KCNQ1: variants seen among roughly 807,000 people sequenced by gnomAD.
KCNQ1 encodes potassium voltage-gated channel subfamily Q member 1, also known as potassium voltage-gated channel subfamily KQT member 1.
In KCNQ1, 49 loss-of-function variants were observed where a neutral mutation model predicts 72.4. The observed-to-expected ratio is 0.68, with a 90% CI of 0.54 to 0.86. The LOEUF (loss-of-function observed/expected upper bound fraction) is 0.86. Ranked by LOEUF, KCNQ1 falls within the 40% of genes least tolerant of loss-of-function variation. The probability of loss-of-function intolerance (pLI) is 0.00; values close to 1 mark genes in which losing one functional copy is unlikely to be tolerated. For synonymous variants in KCNQ1, 450 were observed against 412.6 expected (o/e 1.09, Z -1.10); for missense variants, 790 against 945.1 (o/e 0.84, Z 2.15).
chr11:2,540,404 G>A (rs934852245), intron 2 of KCNQ1, among the ~76,000 whole-genome samples: 1 of 152,238 alleles, frequency 6.6e-6, no homozygotes, highest in African/African-American at 2.4e-5. Flanking sequence ...GCCACGGCTC[G>A]AGCACCTCGG....
In KCNQ1 at chr11:2,610,102, GCTTT is replaced by G. The variant is rs376444448; in HGVS notation, c.1393+21253_1393+21256del. On this transcript the variant is annotated intron_variant, in intron 10 of 15. Coordinates refer to ENST00000155840, the MANE Select transcript of KCNQ1 (RefSeq NM_000218.3). ...CTTGTTCCTCTATTTCTCCTTTGCT[GCTTT>G]CTTTTCCATCTAGTGACTACTTTCT... is the stretch of plus-strand genomic sequence containing the variant. The G allele has an allele frequency of 1.8e-3, 698 of 397,610 alleles. 8 individuals carry two copies. The East Asian group carries it at 0.023, about 13-fold the overall frequency. 24.6% of individuals were successfully genotyped at this position (397,610 alleles called of 1,614,324 possible). A position where few individuals can be genotyped will look rare whatever the true frequency, so the allele number is the denominator to read the frequency against.
chr11:2,665,065 C>G (rs1009171050), intron 11 of KCNQ1: 12 of 398,344 alleles, frequency 3.0e-5, no homozygotes, highest in African/African-American at 2.5e-4. Context: ...GGAGTCATGA[C>G]AAGCTGAGGC....
Position 2,733,859 on chromosome 11 carries a change from C to CTCTTTCTCTCT in KCNQ1, c.1515-34985_1515-34984insTCTTTCTCTCT, listed in dbSNP as rs1845907356. Among the ~76,000 whole-genome samples the CTCTTTCTCTCT allele has an allele frequency of 1.7e-5, 2 of 119,346 alleles. 1 individual carries two copies. Among genetic ancestry groups the CTCTTTCTCTCT allele is most frequent in the Admixed American group, 1.6e-4 (2 of 12,788 alleles). 78.3% of individuals were successfully genotyped at this position (119,346 alleles called of 152,430 possible). A position where few individuals can be genotyped will look rare whatever the true frequency, so the allele number is the denominator to read the frequency against. On this transcript the variant is annotated intron_variant, in intron 11 of 15. Transcript: ENST00000155840. ...TCTCTCTCTCTCTCTCTCTCTCTCCCCCCCCACTTCAGGGCCTTCGCGCCC... is the reference window on the plus strand; with the variant it reads ...TCTCTCTCTCTCTCTCTCTCTCTCCCTCTTTCTCTCTCCCCCACTTCAGGGCCTTCGCGCCC...
At chr11:2,662,341 A>C in intron 11 of KCNQ1, 1 of 568,232 alleles carries the variant, frequency 1.8e-6, no homozygotes, top group Non-Finnish European at 3.1e-6. Context: ...ACTTGTTTTC[A>C]TGCTTTGAGA....
Position 2,678,629 on chromosome 11 carries a change from A to G in KCNQ1, c.1514+16548A>G, listed in dbSNP as rs1163482596. 1 of 397,244 alleles carries G rather than the reference A, an allele frequency of 2.5e-6. No individual in the cohort carries two copies. The highest frequency in any genetic ancestry group is 4.4e-6 in the Non-Finnish European group (1 of 225,922). 24.6% of individuals were successfully genotyped at this position (397,244 alleles called of 1,614,324 possible). ...CCCTCATCTCCATTACTTAAGAGCC[A>G]ATAATGGGAAGCTCATTTTCACAAA... On this transcript the variant is annotated intron_variant, in intron 11 of 15. Transcript: ENST00000155840. This position sits in a 1 kb window ranked among gnomAD's most constrained non-coding sequence, Gnocchi z 4.9.
chr11:2,553,528 A>G (rs1848021100), intron 2 of KCNQ1, among the ~76,000 whole-genome samples: 1 of 152,164 alleles, frequency 6.6e-6, no homozygotes, highest in South Asian at 2.1e-4. Context: ...TGAGATAATC[A>G]TATCATTTGC....
chr11:2,642,018 T>C lies in KCNQ1; in HGVS notation c.1394-19943T>C, dbSNP rs938435224. 5.3e-5 allele frequency: 21 copies of C among 398,292 alleles called. No individual in the cohort carries two copies. The highest frequency in any genetic ancestry group is 8.9e-5 in the Non-Finnish European group (20 of 225,922). 24.7% of individuals were successfully genotyped at this position (398,292 alleles called of 1,614,324 possible). Reference sequence around the variant, plus strand: ...TTTTATTCCAATACCATGCTGCTTTTAATGCTATAGCCTTATATTTTTAAA... The same window carrying C: ...TTTTATTCCAATACCATGCTGCTTTCAATGCTATAGCCTTATATTTTTAAA... On this transcript the variant is annotated intron_variant, in intron 10 of 15. Coordinates refer to ENST00000155840, the MANE Select transcript of KCNQ1 (RefSeq NM_000218.3). This position sits in a 1 kb window ranked among gnomAD's most constrained non-coding sequence, Gnocchi z 4.3.
At chr11:2,513,953 G>C (rs1351073526) in intron 1 of KCNQ1, among the ~76,000 whole-genome samples, 1 of 152,244 alleles carries the variant, frequency 6.6e-6, no homozygotes, top group Non-Finnish European at 1.5e-5. Flanking sequence ...CATGGGGCCT[G>C]TCCCATGCTG....
At chr11:2,646,747 C>T (rs1245573105) in intron 10 of KCNQ1, 7 of 398,468 alleles carry the variant, frequency 1.8e-5, no homozygotes, top group Non-Finnish European at 2.7e-5. Context: ...AACTCCTGGG[C>T]TCAAGCAATC....
rs528296896 is a variant in KCNQ1, at chr11:2,766,415, C to T, written c.1515-2429C>T. On this transcript the variant is annotated intron_variant, in intron 11 of 15. Coordinates refer to ENST00000155840, the MANE Select transcript of KCNQ1 (RefSeq NM_000218.3). This position sits in a 1 kb window ranked among gnomAD's most constrained non-coding sequence, Gnocchi z 4.4. ...CAGGGTCTCTCAGCTCTCCTTCACG[C>T]GGCTGTTCCAGCAGGCTAGCTCAGA... is the stretch of plus-strand genomic sequence containing the variant. Among the ~76,000 whole-genome samples, 26 of 152,286 alleles carry T rather than the reference C, an allele frequency of 1.7e-4. No homozygotes were observed. The highest frequency in any genetic ancestry group is 1.4e-3 in the South Asian group (7 of 4,828).
Position 2,652,934 on chromosome 11 carries a change from C to A in KCNQ1, c.1394-9027C>A. ...TAAACTTAGGTTTTGGAAAGCCCAG[C>A]ATCCTCCCTGGGACTTCTCAGGATT... is the stretch of plus-strand genomic sequence containing the variant. On this transcript the variant is annotated intron_variant, in intron 10 of 15. Coordinates refer to ENST00000155840, the MANE Select transcript of KCNQ1 (RefSeq NM_000218.3). This position sits in a 1 kb window ranked among gnomAD's most constrained non-coding sequence, Gnocchi z 5.9. The A allele has an allele frequency of 2.5e-6, 1 of 398,690 alleles. No individual in the cohort carries two copies. The highest frequency in any genetic ancestry group is 4.4e-6 in the Non-Finnish European group (1 of 226,116). The allele number at this position is 398,690 out of a possible 1,614,324, so 24.7% of individuals were successfully genotyped here. A position where few individuals can be genotyped will look rare whatever the true frequency, so the allele number is the denominator to read the frequency against.
intron 1 of KCNQ1, among the ~76,000 whole-genome samples, chr11:2,459,885 AT>A (rs112007526): frequency 0.025 from 3,755 of 148,028 alleles, 158 homozygotes; most frequent in African/African-American, 0.086. Flanking sequence ...TTTAGTAAGA[AT>A]TTTTTTTTTT....
intron 10 of KCNQ1, chr11:2,641,755 T>C: frequency 2.5e-6 from 1 of 398,472 alleles, no homozygotes; most frequent in Admixed American, 4.4e-5. Flanking sequence ...TCATTAATAG[T>C]GATGTTATAG....
chr11:2,500,621 A>G (rs1284573428), intron 1 of KCNQ1, among the ~76,000 whole-genome samples: 1 of 152,194 alleles, frequency 6.6e-6, no homozygotes, highest in Non-Finnish European at 1.5e-5. Context: ...CTTGGAACCA[A>G]CCCAAATGCC....
intron 15 of KCNQ1, among the ~76,000 whole-genome samples, chr11:2,843,139 GCGGTAAAAC>G (rs1827244146): frequency 6.6e-6 from 1 of 152,234 alleles, no homozygotes; most frequent in South Asian, 2.1e-4. Context: ...CCAAGGCCTG[GCGGTAAAAC>G]CTCAGCAGCG....
chr11:2,670,482 G>C lies in KCNQ1; in HGVS notation c.1514+8401G>C. 1 of 397,598 alleles carries C rather than the reference G, an allele frequency of 2.5e-6. No homozygotes were observed. The highest frequency in any genetic ancestry group is 1.3e-4 in the South Asian group (1 of 7,766). 24.6% of individuals were successfully genotyped at this position (397,598 alleles called of 1,614,324 possible). ...CCACATCCTTGGTAGGTCCCTCAGA[G>C]AGCATCTAGTGGGCCTGTCCTCCCA... is the stretch of plus-strand genomic sequence containing the variant. On this transcript the variant is annotated intron_variant, in intron 11 of 15. Coordinates refer to ENST00000155840, the MANE Select transcript of KCNQ1 (RefSeq NM_000218.3). The surrounding 1 kb of genome is among the most constrained non-coding windows in gnomAD (Gnocchi z 4.9).
In KCNQ1 at chr11:2,784,607, G is replaced by C. The variant is rs1846879842; in HGVS notation, c.1794+6570G>C. The stretch of plus-strand genomic sequence containing the variant: ...TGATAGGCATTGTGTTGAATCTATA[G>C]ATCCATTTGGGGAAAATTGACAACT... On this transcript the variant is annotated intron_variant, in intron 15 of 15. Coordinates refer to ENST00000155840, the MANE Select transcript of KCNQ1 (RefSeq NM_000218.3). This position sits in a 1 kb window ranked among gnomAD's most constrained non-coding sequence, Gnocchi z 4.7. Among the ~76,000 whole-genome samples, 1 of 151,876 alleles carries C rather than the reference G, an allele frequency of 6.6e-6. No homozygotes were observed. Among genetic ancestry groups the C allele is most frequent in the African/African-American group, 2.4e-5 (1 of 41,402 alleles).
chr11:2,840,641 T>A (rs888649575), intron 15 of KCNQ1, among the ~76,000 whole-genome samples: 1 of 151,424 alleles, frequency 6.6e-6, no homozygotes, highest in Non-Finnish European at 1.5e-5. Context: ...AAAACATAAG[T>A]AAGACCTCTG....
rs1019984265 is a variant in KCNQ1, at chr11:2,471,155, G to T, written c.386+25671G>T. ...TCATCGATATCTCCCAACGGCTGGG[G>T]AACAAGGGCTGACTCGGCTGCAATC... On this transcript the variant is annotated intron_variant, in intron 1 of 15. Coordinates refer to ENST00000155840, the MANE Select transcript of KCNQ1 (RefSeq NM_000218.3). The surrounding 1 kb of genome is among the most constrained non-coding windows in gnomAD (Gnocchi z 4.8). Among the ~76,000 whole-genome samples, 1 of 151,892 alleles carries T rather than the reference G, an allele frequency of 6.6e-6. No individual in the cohort carries two copies. The highest frequency in any genetic ancestry group is 2.4e-5 in the African/African-American group (1 of 41,338).
Sources: gnomAD v4.1 joint callset for allele counts (sites outside exome capture counted in the v4.1 genomes callset) on GRCh38, gnomAD v4.1.1 for gene constraint, Gnocchi (gnomAD v3.1) non-coding constraint, MANE v1.5 for transcripts, NCBI Gene and HGNC (gene_info 2026-07-23, HGNC 2026-07-21) for gene names.